The following RAB30 variants were observed in gnomAD, a reference collection of about 807,000 sequenced individuals.
RAB30 encodes the protein RAB30, member RAS oncogene family.
RAB30 carries 9 observed loss-of-function variants against 25.1 expected under a neutral mutation model. The ratio of observed to expected loss-of-function variants is 0.36; its 90% CI spans 0.22 to 0.63. RAB30 has a LOEUF of 0.63. Among genes scored for constraint, RAB30 ranks in the 20% least tolerant of loss-of-function variants. RAB30 has a pLI of 0.69. For missense variants in RAB30, 140 were observed against 243.5 expected, an observed-to-expected ratio of 0.58 and a Z score of 2.83; for synonymous variants, 77 against 86.4, an observed-to-expected ratio of 0.89 and a Z score of 0.60.
chr11:83,056,763 T>C (rs1022502907), intron 1 of RAB30, among the ~76,000 whole-genome samples: 1 of 152,202 alleles, frequency 6.6e-6, no homozygotes, highest in Non-Finnish European at 1.5e-5. Flanking sequence ...TTTTCAGAGA[T>C]TCAGTTTTCT....
intron 1 of RAB30, among the ~76,000 whole-genome samples, chr11:83,050,499 G>T (rs938608295): frequency 2.0e-5 from 3 of 152,154 alleles, no homozygotes; most frequent in Non-Finnish European, 4.4e-5. Context: ...ATGAAAAGGG[G>T]AGAGGCAGTA....
chr11:83,021,381 C>T (rs1411869482), intron 1 of RAB30, among the ~76,000 whole-genome samples: 1 of 152,270 alleles, frequency 6.6e-6, no homozygotes, highest in East Asian at 1.9e-4. Context: ...GTGACTCCCT[C>T]TTCTGGGCCC....
intron 3 of RAB30, among the ~76,000 whole-genome samples, chr11:82,992,109 A>T (rs1856862504): frequency 6.6e-6 from 1 of 152,146 alleles, no homozygotes; most frequent in African/African-American, 2.4e-5. Context: ...AGTAAAATGC[A>T]TGAAATAGTA....
intron 1 of RAB30, among the ~76,000 whole-genome samples, chr11:83,013,237 C>T (rs1171766722): frequency 3.3e-5 from 5 of 152,056 alleles, no homozygotes; most frequent in African/African-American, 4.8e-5. Context: ...GCATGCACTA[C>T]CATGCCTGGC....
chr11:83,062,975 C>A (rs1293907195), intron 1 of RAB30, among the ~76,000 whole-genome samples: 1 of 147,992 alleles, frequency 6.8e-6, no homozygotes, highest in Non-Finnish European at 1.5e-5. Context: ...TGCACTCCAG[C>A]CTGGGTGACA....
chr11:83,022,252 C>G (rs1367291767), intron 1 of RAB30, among the ~76,000 whole-genome samples: 1 of 152,134 alleles, frequency 6.6e-6, no homozygotes, highest in Admixed American at 6.5e-5. Flanking sequence ...CTGGACCTGC[C>G]AGGCTCAGGT....
intron 1 of RAB30, among the ~76,000 whole-genome samples, chr11:83,064,694 G>A (rs1024595513): frequency 5.9e-5 from 9 of 152,292 alleles, no homozygotes; most frequent in Middle Eastern, 3.4e-3. Flanking sequence ...AGCCCTTGAT[G>A]TGTTCTAGCT....
At chr11:82,992,523 T>C (rs1856873207) in intron 3 of RAB30, 1 of 366,536 alleles carries the variant, frequency 2.7e-6, no homozygotes, top group Non-Finnish European at 5.5e-6. Flanking sequence ...TTCTCTGCTC[T>C]TCCCAAGGCA....
chr11:83,059,140 C>A (rs1263144555), intron 1 of RAB30, among the ~76,000 whole-genome samples: 1 of 152,124 alleles, frequency 6.6e-6, no homozygotes, highest in African/African-American at 2.4e-5. Flanking sequence ...TGGGATTTTG[C>A]CATGATGCCT....
intron 1 of RAB30, among the ~76,000 whole-genome samples, chr11:83,070,034 G>A (rs2105753): frequency 0.026 from 3,985 of 151,418 alleles, 142 homozygotes; most frequent in African/African-American, 0.085. Flanking sequence ...GTGATATGCT[G>A]GTGATAAAGG....
chr11:82,987,931 A>AAAAAAAAAAAAAAC, intron 3 of RAB30, among the ~76,000 whole-genome samples, 161 bp from the exon 4 acceptor site: 1 of 121,758 alleles, frequency 8.2e-6, no homozygotes, highest in Non-Finnish European at 1.7e-5. Context: ...AAAAAAAAAA[A>AAAAAAAAAAAAAAC]AAGCACTGAA....
At chr11:83,000,623 T>C (rs953349717) in intron 1 of RAB30, among the ~76,000 whole-genome samples, 4 of 152,168 alleles carry the variant, frequency 2.6e-5, no homozygotes, top group Non-Finnish European at 5.9e-5. Flanking sequence ...CACTCATTTC[T>C]ACATCTTTGC....
intron 1 of RAB30, among the ~76,000 whole-genome samples, chr11:82,998,470 C>T (rs185196812): frequency 1.3e-5 from 2 of 151,444 alleles, no homozygotes; most frequent in East Asian, 3.9e-4. Flanking sequence ...ATCGCTTGAA[C>T]CTGGGAGGCA....
At chr11:83,032,721 A>G (rs778581371) in intron 1 of RAB30, among the ~76,000 whole-genome samples, 104 of 152,204 alleles carry the variant, frequency 6.8e-4, no homozygotes, top group Non-Finnish European at 1.3e-3. Flanking sequence ...TTTTTATGTA[A>G]GCAGTCCACC....
intron 1 of RAB30, among the ~76,000 whole-genome samples, chr11:83,014,746 AAAAG>A (rs1009417096): frequency 8.6e-5 from 13 of 151,910 alleles, no homozygotes; most frequent in African/African-American, 3.1e-4. Context: ...ATAAGAAAGA[AAAAG>A]AATGAAAGAG....
chr11:83,040,330 T>C (rs1858079004), intron 1 of RAB30, among the ~76,000 whole-genome samples: 1 of 152,212 alleles, frequency 6.6e-6, no homozygotes, highest in Admixed American at 6.5e-5. Flanking sequence ...GGCTCGGGCC[T>C]GTAATCCCAG....
In RAB30 at chr11:82,982,335, A is replaced by G. The variant is rs750429270; in HGVS notation, c.442T>C (p.Tyr148His). ...GATTCCTTGGCTGAGGTCTCCAGAT[A>G]ATACATGTCCTGAGCTTCTGAGAAT... is the stretch of plus-strand genomic sequence containing the variant. ...EEFSEAQDMY[Y>H]LETSAKESDN... Residue 148 changes from tyrosine (Y) to histidine (H), a missense_variant, in exon 5 of 5, where the codon TAT becomes CAT. Tyr to His is a moderately conservative substitution (Grantham distance 83). Transcript: ENST00000527633. 2 of 1,614,188 alleles carry G rather than the reference A, an allele frequency of 1.2e-6. No homozygotes were observed. Among genetic ancestry groups the G allele is most frequent in the East Asian group, 4.5e-5 (2 of 44,884 alleles).
At chr11:83,056,476 T>C (rs1858461262) in intron 1 of RAB30, among the ~76,000 whole-genome samples, 3 of 152,226 alleles carry the variant, frequency 2.0e-5, no homozygotes, top group South Asian at 4.1e-4. Flanking sequence ...TGAATAATGC[T>C]GCTAGGTGAA....
In RAB30 at chr11:82,982,317, T is replaced by G; in HGVS notation, c.460A>C (p.Lys154Gln). The change falls in exon 5 of 5, where the codon AAG (lysine) becomes CAG (glutamine). Residue 154 changes from lysine to glutamine, a missense_variant. Lys to Gln is a moderately conservative substitution (Grantham distance 53). Coordinates refer to ENST00000527633, the MANE Select transcript of RAB30 (RefSeq NM_001286060.2). ...QDMYYLETSA[K>Q]ESDNVEKLFL... ...AGTTTCTCCACATTATCAGATTCCT[T>G]GGCTGAGGTCTCCAGATAATACATG... 6.2e-7 allele frequency: 1 copy of G among 1,614,242 alleles called. No homozygotes were observed. The highest frequency in any genetic ancestry group is 1.1e-5 in the South Asian group (1 of 91,090).
Sources: allele counts gnomAD v4.1 joint callset (sites outside exome capture counted in the v4.1 genomes callset), GRCh38; gene constraint gnomAD v4.1.1; transcripts MANE v1.5; gene names NCBI Gene and HGNC (gene_info 2026-07-23, HGNC 2026-07-21).